ITK: variants seen among roughly 807,000 people sequenced by gnomAD.
ITK encodes IL2 inducible T cell kinase, also known as tyrosine-protein kinase ITK/TSK.
In ITK, 45 loss-of-function variants were observed where a neutral mutation model predicts 87.6. The ratio of observed to expected loss-of-function variants is 0.51; its 90% confidence interval spans 0.40 to 0.66. ITK has a LOEUF of 0.66. Among genes scored for constraint, ITK ranks in the 30% least tolerant of loss-of-function variants. The pLI is 0.00. For synonymous variants in ITK, 303 were observed against 273.6 expected (o/e 1.11, Z -1.06); for missense variants, 605 against 766.3 (o/e 0.79, Z 2.48).
rs1265385913 is a variant in ITK, at chr5:157,238,101, C to G, written c.769-8C>G. On this transcript the variant is annotated splice_polypyrimidine_tract_variant and splice_region_variant and intron_variant, in intron 8 of 16. Transcript: ENST00000422843. The stretch of plus-strand genomic sequence containing the variant: ...TCACTAACTTTCCATTCTTTCTAAC[C>G]ATTCCAGGGCAAAGAAGGAGCCTTC... 1 of 1,607,992 alleles carries G rather than the reference C, an allele frequency of 6.2e-7. No homozygotes were observed. The highest frequency in any genetic ancestry group is 1.3e-5 in the African/African-American group (1 of 74,778).
At chr5:157,232,540 C>G in intron 8 of ITK, 146 bp downstream of exon 8, 1 of 563,772 alleles carries the variant, frequency 1.8e-6, no homozygotes, top group South Asian at 1.7e-5. Context: ...TATCATTGTA[C>G]CACTGCACTT....
chr5:157,185,839 G>A (rs1043374591), intron 1 of ITK, among the ~76,000 whole-genome samples: 5 of 152,078 alleles, frequency 3.3e-5, no homozygotes, highest in African/African-American at 4.8e-5. Flanking sequence ...CTGAGACCTG[G>A]TCTCAAAAAT....
chr5:157,201,174 A>G (rs1753964168), intron 1 of ITK, among the ~76,000 whole-genome samples: 1 of 152,138 alleles, frequency 6.6e-6, no homozygotes, highest in Non-Finnish European at 1.5e-5. Context: ...CCCCCAGTAC[A>G]CTAATAGAAA....
At chr5:157,190,276 C>T (rs1753727578) in intron 1 of ITK, among the ~76,000 whole-genome samples, 1 of 151,962 alleles carries the variant, frequency 6.6e-6, no homozygotes, top group Non-Finnish European at 1.5e-5. Flanking sequence ...GGGATTTTTC[C>T]CCCCAAACTT....
intron 6 of ITK, among the ~76,000 whole-genome samples, chr5:157,227,900 G>A (rs1232521624): frequency 1.4e-5 from 2 of 141,782 alleles, no homozygotes; most frequent in African/African-American, 2.7e-5. Context: ...GCACGATCTC[G>A]GCTCACTGCA....
intron 15 of ITK, among the ~76,000 whole-genome samples, chr5:157,248,583 C>A (rs1176543805): frequency 6.6e-6 from 1 of 152,176 alleles, no homozygotes; most frequent in African/African-American, 2.4e-5. Flanking sequence ...TGCATCTTGG[C>A]ATTTGAGTCT....
At chr5:157,249,379 C>T (rs1248731722) in intron 16 of ITK, among the ~76,000 whole-genome samples, 1 of 152,212 alleles carries the variant, frequency 6.6e-6, no homozygotes, top group Admixed American at 6.5e-5. Flanking sequence ...ACAAAGTTCA[C>T]TTGCACTATG....
rs1755218150 is a variant in ITK at position 157,254,767 on chromosome 5, A to T, written c.*2089A>T. The T allele has an allele frequency of 4.6e-6, 1 of 218,554 alleles. No homozygotes were observed. The highest frequency in any genetic ancestry group is 5.8e-5 in the Admixed American group (1 of 17,276). The allele number at this position is 218,554 out of a possible 1,614,324, so 13.5% of individuals were successfully genotyped here. On this transcript the variant is annotated 3_prime_UTR_variant, in exon 17 of 17. Transcript: ENST00000422843. ...AGAAAGAAAACATTGGAATTGACTG[A>T]TCTCTGTGGTTTGGTTTAGAAAATT...
At chr5:157,185,461 C>T (rs150165431) in intron 1 of ITK, among the ~76,000 whole-genome samples, 1,539 of 152,086 alleles carry the variant, frequency 0.01, 26 homozygotes, top group African/African-American at 0.03. Flanking sequence ...CAGCTGGTCT[C>T]GAACTCCTGA....
At chr5:157,235,409 C>A (rs546964568) in intron 8 of ITK, among the ~76,000 whole-genome samples, 4 of 152,268 alleles carry the variant, frequency 2.6e-5, no homozygotes, top group African/African-American at 9.6e-5. Context: ...CGTGGTTTTT[C>A]TTGTCTTTGA....
At chr5:157,236,541 A>G (rs1754778948) in intron 8 of ITK, among the ~76,000 whole-genome samples, 1 of 152,112 alleles carries the variant, frequency 6.6e-6, no homozygotes, top group Admixed American at 6.5e-5. Context: ...TTTGTTCCTT[A>G]TACTCCAAGT....
In ITK at chr5:157,248,843, C is replaced by T. The variant is rs997059534; in HGVS notation, c.1634-7C>T. 1 of 1,613,906 alleles carries T rather than the reference C, an allele frequency of 6.2e-7. No homozygotes were observed. Among genetic ancestry groups the T allele is most frequent in the Non-Finnish European group, 8.5e-7 (1 of 1,179,860 alleles). On this transcript the variant is annotated splice_region_variant and splice_polypyrimidine_tract_variant and intron_variant, in intron 15 of 16. Coordinates refer to ENST00000422843, the MANE Select transcript of ITK (RefSeq NM_005546.4). Reference sequence around the variant, plus strand: ...ATTCACTGTGCTGTGCTCACCATTTCTTGTAGGTGTGCTGATGTGGGAAGT... The same window carrying T: ...ATTCACTGTGCTGTGCTCACCATTTTTTGTAGGTGTGCTGATGTGGGAAGT...
chr5:157,196,280 T>C (rs1212788732), intron 1 of ITK, among the ~76,000 whole-genome samples: 2 of 152,200 alleles, frequency 1.3e-5, no homozygotes, highest in Non-Finnish European at 1.5e-5. Context: ...CCAGTGAACA[T>C]TCCCCAGGGC....
intron 11 of ITK, among the ~76,000 whole-genome samples, chr5:157,241,956 A>G (rs1477864070): frequency 6.6e-6 from 1 of 152,246 alleles, no homozygotes; most frequent in Non-Finnish European, 1.5e-5. Flanking sequence ...TGAAGAGTTC[A>G]TTAATGAAGT....
chr5:157,232,494 A>T, intron 8 of ITK, 100 bp downstream of exon 8: 1 of 795,544 alleles, frequency 1.3e-6, no homozygotes. Flanking sequence ...AGGTGGGAGG[A>T]TCACTTGAGC....
At chr5:157,208,203 A>T (rs1056203649) in intron 1 of ITK, among the ~76,000 whole-genome samples, 1 of 152,218 alleles carries the variant, frequency 6.6e-6, no homozygotes, top group Admixed American at 6.5e-5. Flanking sequence ...TCCAAGCACA[A>T]GGATCCTTAG....
intron 16 of ITK, among the ~76,000 whole-genome samples, 161 bp downstream of exon 16, chr5:157,249,168 C>A (rs142278322): frequency 1.3e-5 from 2 of 152,312 alleles, no homozygotes; most frequent in African/African-American, 4.8e-5. Context: ...GGATAGATCC[C>A]CCATCCCTAA....
chr5:157,252,521 T>C (rs1329996010), intron 16 of ITK, 86 bp from the exon 17 acceptor site: 3 of 935,804 alleles, frequency 3.2e-6, no homozygotes. Flanking sequence ...CCACAGGGGA[T>C]GCTGCTATTA....
intron 2 of ITK, among the ~76,000 whole-genome samples, 158 bp from the exon 3 acceptor site, chr5:157,211,129 A>G (rs1014109853): frequency 6.6e-6 from 1 of 151,990 alleles, no homozygotes; most frequent in Non-Finnish European, 1.5e-5. Context: ...GTAGCACCCA[A>G]ACACCTGGAT....
Sources: allele counts gnomAD v4.1 joint callset (sites outside exome capture counted in the v4.1 genomes callset), GRCh38; gene constraint gnomAD v4.1.1; transcripts MANE v1.5; gene names NCBI Gene and HGNC (gene_info 2026-07-23, HGNC 2026-07-21).